The following NTRK3 variants were observed in gnomAD, a reference collection of about 807,000 sequenced individuals.
NTRK3 encodes neurotrophic receptor tyrosine kinase 3, also known as NT-3 growth factor receptor.
NTRK3 carries 24 observed loss-of-function variants against 91.7 expected under a neutral mutation model. The observed-to-expected ratio is 0.26, with a 90% CI of 0.19 to 0.37. The LOEUF is 0.37. Among genes scored for constraint, NTRK3 ranks in the 10% least tolerant of loss-of-function variants. The pLI is 1.00. For synonymous variants in NTRK3, 483 were observed against 404.0 expected, an observed-to-expected ratio of 1.20 and a Z score of -2.34; for missense variants, 880 against 1,068.9, an observed-to-expected ratio of 0.82 and a Z score of 2.46.
intron 14 of NTRK3, chr15:87,981,288 G>T: frequency 6.3e-7 from 1 of 1,593,182 alleles, no homozygotes; most frequent in Non-Finnish European, 8.6e-7. Context: ...TATATAGTGA[G>T]TTGATGGGAC....
intron 5 of NTRK3, among the ~76,000 whole-genome samples, chr15:88,170,611 A>G (rs1276835343): frequency 6.6e-6 from 1 of 152,188 alleles, no homozygotes; most frequent in Non-Finnish European, 1.5e-5. Flanking sequence ...TGCACCATCT[A>G]AAGAGAACAG....
At chr15:88,093,619 T>A (rs1027768434) in intron 13 of NTRK3, among the ~76,000 whole-genome samples, 2 of 152,214 alleles carry the variant, frequency 1.3e-5, no homozygotes, top group African/African-American at 4.8e-5. Flanking sequence ...CTGTCTCCAA[T>A]GATGCACCTG....
intron 13 of NTRK3, among the ~76,000 whole-genome samples, chr15:88,107,145 A>G (rs961809799): frequency 1.3e-5 from 2 of 152,116 alleles, no homozygotes; most frequent in African/African-American, 4.8e-5. Context: ...TATTCCTTTT[A>G]TAAAAATAAG....
intron 14 of NTRK3, among the ~76,000 whole-genome samples, chr15:88,013,812 C>T (rs560279809): frequency 1.1e-4 from 16 of 152,174 alleles, no homozygotes; most frequent in East Asian, 7.7e-4. Context: ...CGTGGTGGTG[C>T]GCCTGTAGTC....
At chr15:88,166,483 G>A (rs566001917) in intron 5 of NTRK3, among the ~76,000 whole-genome samples, 1 of 152,180 alleles carries the variant, frequency 6.6e-6, no homozygotes, top group Non-Finnish European at 1.5e-5. Context: ...GGGCCTGGGC[G>A]CTTCTCTCTG....
intron 13 of NTRK3, among the ~76,000 whole-genome samples, chr15:88,115,134 G>C (rs1438045922): frequency 1.3e-5 from 2 of 152,142 alleles, no homozygotes; most frequent in African/African-American, 2.4e-5. Flanking sequence ...TTTCCAGAAA[G>C]GCTACCCCAT....
At chr15:88,024,219 A>G (rs1171712485) in intron 14 of NTRK3, among the ~76,000 whole-genome samples, 1 of 152,232 alleles carries the variant, frequency 6.6e-6, no homozygotes, top group Non-Finnish European at 1.5e-5. Context: ...CTAAAGAGAC[A>G]GTGCACAGAT....
intron 5 of NTRK3, among the ~76,000 whole-genome samples, chr15:88,179,447 C>A (rs1009907271): frequency 3.3e-5 from 5 of 152,144 alleles, no homozygotes; most frequent in African/African-American, 1.2e-4. Context: ...ATACCCCTGC[C>A]CCAAGGATGG....
intron 3 of NTRK3, among the ~76,000 whole-genome samples, chr15:88,192,127 C>A (rs982291115): frequency 1.3e-5 from 2 of 152,244 alleles, no homozygotes; most frequent in Non-Finnish European, 2.9e-5. Context: ...GCTTCCTGAT[C>A]AATTCCAAAG....
intron 6 of NTRK3, among the ~76,000 whole-genome samples, chr15:88,142,205 A>AT (rs1217441615): frequency 1.3e-5 from 2 of 152,146 alleles, no homozygotes; most frequent in Non-Finnish European, 2.9e-5. Context: ...ATTGAACCAG[A>AT]TCTCAAGCAG....
chr15:88,070,741 A>G lies in NTRK3; in HGVS notation c.1397-37696T>C, dbSNP rs146489316. 6.4e-3 allele frequency among the ~76,000 whole-genome samples: 981 copies of G among 152,172 alleles called. 13 individuals carry two copies. Among genetic ancestry groups the G allele is most frequent in the African/African-American group, 0.022 (927 of 41,504 alleles). The stretch of plus-strand genomic sequence containing the variant: ...GGTCTGCAGGGAAGCCTGGTAGTAA[A>G]AGCCTGAGCCAGCACCACAGCAAAA... On this transcript the variant is annotated intron_variant, in intron 13 of 18. Transcript: ENST00000394480.
intron 5 of NTRK3, among the ~76,000 whole-genome samples, chr15:88,177,025 T>A (rs2046063236): frequency 6.6e-6 from 1 of 152,162 alleles, no homozygotes; most frequent in South Asian, 2.1e-4. Context: ...GGGCAGGGTA[T>A]CTGTTTGGGT....
In NTRK3 at chr15:87,994,697, A is replaced by C. The variant is rs900763265; in HGVS notation, c.1585+38160T>G. On this transcript the variant is annotated intron_variant, in intron 14 of 18. Coordinates refer to ENST00000394480, the Ensembl canonical transcript of NTRK3. Reference sequence around the variant, plus strand: ...AACAGGAATTGTTTCTTCCCTGAGAAGGAAAGTACATAATTTGGCAGGAAC... The same window carrying C: ...AACAGGAATTGTTTCTTCCCTGAGACGGAAAGTACATAATTTGGCAGGAAC... 4.6e-5 allele frequency among the ~76,000 whole-genome samples: 7 copies of C among 152,346 alleles called. No individual in the cohort carries two copies. In the East Asian group the frequency reaches 1.4e-3, roughly 29 times the overall value.
At chr15:88,095,826 T>C (rs1315883001) in intron 13 of NTRK3, among the ~76,000 whole-genome samples, 1 of 152,180 alleles carries the variant, frequency 6.6e-6, no homozygotes, top group Non-Finnish European at 1.5e-5. Context: ...AAAGGTCCCA[T>C]GTACCTATGC....
chr15:88,082,421 G>A (rs1343182491), intron 13 of NTRK3, among the ~76,000 whole-genome samples: 1 of 152,100 alleles, frequency 6.6e-6, no homozygotes, highest in Admixed American at 6.5e-5. Flanking sequence ...TACAGCTCAG[G>A]AAGTTTTTGC....
In NTRK3 at chr15:88,040,351, A is replaced by G. The variant is rs1033486912; in HGVS notation, c.1397-7306T>C. Among the ~76,000 whole-genome samples, 3 of 152,242 alleles carry G rather than the reference A, an allele frequency of 2.0e-5. No individual in the cohort carries two copies. The East Asian group carries it at 5.8e-4, about 29-fold the overall frequency. On this transcript the variant is annotated intron_variant, in intron 13 of 18. Coordinates refer to ENST00000394480, the Ensembl canonical transcript of NTRK3. ...GAGCCTGGGACAACAAGTCACCATG[A>G]GGACCTGTGGGTACACCACCATTCT...
intron 17 of NTRK3, among the ~76,000 whole-genome samples, chr15:87,919,023 G>A (rs974081027): frequency 2.0e-5 from 3 of 152,206 alleles, no homozygotes; most frequent in Non-Finnish European, 4.4e-5. Flanking sequence ...GGAAACTTGA[G>A]TACATCCCAC....
chr15:88,001,892 G>A (rs2076121648), intron 14 of NTRK3, among the ~76,000 whole-genome samples: 1 of 152,148 alleles, frequency 6.6e-6, no homozygotes, highest in African/African-American at 2.4e-5. Context: ...AATTTTGACA[G>A]ACTGTGGTTA....
chr15:87,945,808 A>C (rs2070419727), intron 14 of NTRK3, among the ~76,000 whole-genome samples: 1 of 150,708 alleles, frequency 6.6e-6, no homozygotes, highest in African/African-American at 2.4e-5. Context: ...ACTGGGAAAA[A>C]AAAAAAAAAA....
Sources: gnomAD v4.1 joint callset for allele counts (sites outside exome capture counted in the v4.1 genomes callset) on GRCh38, gnomAD v4.1.1 for gene constraint, MANE v1.5 for transcripts, NCBI Gene and HGNC (gene_info 2026-07-23, HGNC 2026-07-21) for gene names.